Variants in KNDC1 observed in about 807,000 individuals in gnomAD.
KNDC1 encodes kinase non-catalytic C-lobe domain containing 1.
In KNDC1, 106 loss-of-function variants were observed where a neutral mutation model predicts 172.8. The ratio of observed to expected loss-of-function variants is 0.61; its 90% CI spans 0.52 to 0.72. KNDC1 has a LOEUF of 0.72. Ranked by LOEUF, KNDC1 falls within the 30% of genes least tolerant of loss-of-function variation. The probability of loss-of-function intolerance (pLI) is 0.00; values close to 1 mark genes in which losing one functional copy is unlikely to be tolerated. For synonymous variants in KNDC1, 1,083 were observed against 1,062.2 expected (o/e 1.02, Z -0.38); for missense variants, 2,325 against 2,394.5 (o/e 0.97, Z 0.61).
chr10:133,208,816 C>T (rs1440103386), intron 20 of KNDC1, among the ~76,000 whole-genome samples: 2 of 151,320 alleles, frequency 1.3e-5, no homozygotes, highest in African/African-American at 2.4e-5. Context: ...GTGGTGTGTC[C>T]GGGTAATGTG....
rs188201013 is a variant in KNDC1 at position 133,165,648 on chromosome 10, C to T, written c.103-1733C>T. Among the ~76,000 whole-genome samples, 21 of 152,304 alleles carry T rather than the reference C, an allele frequency of 1.4e-4. No homozygotes were observed. The East Asian group carries it at 4.1e-3, about 29-fold the overall frequency. On this transcript the variant is annotated intron_variant, in intron 1 of 29. Transcript: ENST00000304613. ...CTGTGTGCATGTGTGTGCCAGTGCA[C>T]GGGAGTGTGTACATATGTGTGCGCC...
At chr10:133,204,005 G>A (rs1206778986) in intron 17 of KNDC1, among the ~76,000 whole-genome samples, 1 of 152,230 alleles carries the variant, frequency 6.6e-6, no homozygotes, top group African/African-American at 2.4e-5. Flanking sequence ...AGGGTACACA[G>A]ACCTTTCCCA....
Position 133,209,249 on chromosome 10 carries a change from G to A in KNDC1, c.3795-1362G>A, listed in dbSNP as rs1845297494. On this transcript the variant is annotated intron_variant, in intron 20 of 29. Coordinates refer to ENST00000304613, the MANE Select transcript of KNDC1 (RefSeq NM_152643.8). The surrounding 1 kb of genome is among the most constrained non-coding windows in gnomAD (Gnocchi z 4.9). Reference sequence around the variant, plus strand: ...TGTGTGGTGCGTATGCACATGTGTGGTGTGTGGTATGCGGTAGTGTGTGTG... The same window carrying A: ...TGTGTGGTGCGTATGCACATGTGTGATGTGTGGTATGCGGTAGTGTGTGTG... 6.7e-6 allele frequency among the ~76,000 whole-genome samples: 1 copy of A among 149,282 alleles called. No individual in the cohort carries two copies.
chr10:133,167,430 G>T lies in KNDC1; in HGVS notation c.152G>T (p.Ser51Ile). The change falls in exon 2 of 30, where the codon AGC becomes ATC. Residue 51 changes from serine to isoleucine, a missense_variant. Coordinates refer to ENST00000304613, the MANE Select transcript of KNDC1 (RefSeq NM_152643.8). ...CTCTCCCTGCGGGACCGCGGCCTCA[G>T]CGAGCAGGAAGCCTGGGCCGTGTGC... ...DILSLRDRGL[S>I]EQEAWAVCLE... 1 of 1,605,368 alleles carries T rather than the reference G, an allele frequency of 6.2e-7. No homozygotes were observed. Among genetic ancestry groups the T allele is most frequent in the South Asian group, 1.1e-5 (1 of 89,092 alleles).
chr10:133,197,652 C>T lies in KNDC1; in HGVS notation c.1813-23C>T, dbSNP rs760066248. On this transcript the variant is annotated intron_variant, in intron 11 of 29. Coordinates refer to ENST00000304613, the MANE Select transcript of KNDC1 (RefSeq NM_152643.8). ...GGCGGAGCTCCGTGGTCACCTGGCC[C>T]AGGGCTGTCACCTCCTCCCCAGGTG... 4 of 1,588,818 alleles carry T rather than the reference C, an allele frequency of 2.5e-6. No individual in the cohort carries two copies. The Admixed American group carries it at 6.7e-5, about 26-fold the overall frequency.
chr10:133,186,542 T>A lies in KNDC1; in HGVS notation c.1194T>A (p.Thr398=). Reference sequence around the variant, plus strand: ...CCGGCAGTCCAGGACAGCCCGAGACTTCACACCCCAGCCAGGGGCCAGCAG... The same window carrying A: ...CCGGCAGTCCAGGACAGCCCGAGACATCACACCCCAGCCAGGGGCCAGCAG... The part of the protein sequence containing the change: ...GVPGSPGQPE[T]SHPSQGPAEA... Residue 398 remains threonine, a synonymous_variant, in exon 6 of 30, where the codon ACT becomes ACA. Transcript: ENST00000304613. 1 of 1,611,566 alleles carries A rather than the reference T, an allele frequency of 6.2e-7. No homozygotes were observed. Among genetic ancestry groups the A allele is most frequent in the Non-Finnish European group, 8.5e-7 (1 of 1,179,848 alleles).
chr10:133,184,146 C>T (rs1323948239), intron 5 of KNDC1, among the ~76,000 whole-genome samples, 157 bp downstream of exon 5: 1 of 150,030 alleles, frequency 6.7e-6, no homozygotes, highest in Non-Finnish European at 1.5e-5. Flanking sequence ...GCCACACACA[C>T]CCATGCACAC....
In KNDC1 at chr10:133,221,094, G is replaced by GA. The variant is rs567540617; in HGVS notation, c.5018+983dup. On this transcript the variant is annotated intron_variant, in intron 29 of 29. Coordinates refer to ENST00000304613, the MANE Select transcript of KNDC1 (RefSeq NM_152643.8). ...TGGTCTCTAGGGACCCCTGTGTTGG[G>GA]ACCCAGGCACACTTTCCACCCCACC... Among the ~76,000 whole-genome samples the GA allele has an allele frequency of 3.5e-4, 54 of 152,176 alleles. No homozygotes were observed. The East Asian group carries it at 0.01, about 28-fold the overall frequency.
chr10:133,222,723 GCA>G (rs1452900604), intron 29 of KNDC1, among the ~76,000 whole-genome samples: 1 of 21,340 alleles, frequency 4.7e-5, no homozygotes, highest in African/African-American at 1.2e-4. Context: ...GCGTGTGTGT[GCA>G]TGAGAGCCCA....
chr10:133,192,295 C>CA (rs1442596620), intron 9 of KNDC1, among the ~76,000 whole-genome samples: 1 of 152,126 alleles, frequency 6.6e-6, no homozygotes, highest in Non-Finnish European at 1.5e-5. Context: ...GGCACTGGTA[C>CA]AAAAACACAT....
chr10:133,180,018 G>A (rs995534627), intron 3 of KNDC1, among the ~76,000 whole-genome samples: 3 of 152,172 alleles, frequency 2.0e-5, no homozygotes, highest in Non-Finnish European at 1.5e-5. Flanking sequence ...GTCCAGCCTC[G>A]TCCTGCTGCC....
intron 6 of KNDC1, among the ~76,000 whole-genome samples, chr10:133,187,505 C>T (rs1009980760): frequency 2.0e-5 from 3 of 152,378 alleles, no homozygotes; most frequent in East Asian, 1.9e-4. Context: ...GGCCCGGGGA[C>T]GGGGGTGCCC....
At position 133,186,031 on chromosome 10, in the gene KNDC1, G is replaced by A; in HGVS notation, c.683G>A (p.Arg228Lys). Residue 228 changes from arginine to lysine, a missense_variant, in exon 6 of 30, where the codon AGG (arginine) becomes AAG (lysine). Transcript: ENST00000304613. ...GCCCCAGGAAACGCTGGGCCCAGGA[G>A]GCCGCCCGGGGACCCCAGCACTGAC... is the stretch of plus-strand genomic sequence containing the variant. ...RPAPGNAGPR[R>K]PPGDPSTDPE... 6.3e-7 allele frequency: 1 copy of A among 1,592,578 alleles called. No homozygotes were observed. Among genetic ancestry groups the A allele is most frequent in the South Asian group, 1.1e-5 (1 of 87,936 alleles).
chr10:133,173,394 A>C (rs1023137862), intron 3 of KNDC1, among the ~76,000 whole-genome samples: 1 of 152,146 alleles, frequency 6.6e-6, no homozygotes, highest in Admixed American at 6.5e-5. Flanking sequence ...TTCCAATATC[A>C]GTAAGAGTAC....
At chr10:133,203,678 G>A (rs530356244) in intron 17 of KNDC1, among the ~76,000 whole-genome samples, 1 of 152,324 alleles carries the variant, frequency 6.6e-6, no homozygotes, top group South Asian at 2.1e-4. Context: ...GGCTCCCAGA[G>A]TCAGCGTGGA....
intron 7 of KNDC1, 35 bp from the exon 8 acceptor site, chr10:133,189,563 C>T (rs1450507335): frequency 6.3e-7 from 1 of 1,598,386 alleles, no homozygotes; most frequent in Non-Finnish European, 8.6e-7. Flanking sequence ...TGCGGGGCAG[C>T]ATGCATACCC....
intron 26 of KNDC1, among the ~76,000 whole-genome samples, chr10:133,217,269 C>A (rs992081396): frequency 1.3e-5 from 2 of 152,244 alleles, no homozygotes; most frequent in African/African-American, 4.8e-5. Context: ...CTACTTAAAC[C>A]GATGAAGAAA....
Position 133,197,754 on chromosome 10 carries a change from C to T in KNDC1, c.1892C>T (p.Pro631Leu). ...VELKPSVAPA[P>L]EPSPGFLPVN... The stretch of plus-strand genomic sequence containing the variant: ...CTGAAGCCCAGTGTGGCACCAGCCC[C>T]AGAGCCCAGCCCAGGTGGGGACCTG... The change falls in exon 12 of 30, where the codon CCA becomes CTA. Residue 631 changes from proline (P) to leucine (L), a missense_variant. Coordinates refer to ENST00000304613, the MANE Select transcript of KNDC1 (RefSeq NM_152643.8). 1.9e-6 allele frequency: 3 copies of T among 1,612,218 alleles called. No homozygotes were observed. The highest frequency in any genetic ancestry group is 2.5e-6 in the Non-Finnish European group (3 of 1,179,782).
Position 133,199,184 on chromosome 10 carries a change from G to A in KNDC1, c.2676G>A (p.Ser892=), listed in dbSNP as rs540457068. The A allele has an allele frequency of 1.4e-5, 23 of 1,592,836 alleles. No individual in the cohort carries two copies. The highest frequency in any genetic ancestry group is 6.7e-5 in the African/African-American group (5 of 74,696). Residue 892 remains serine (S), a synonymous_variant, in exon 14 of 30, where the codon TCG becomes TCA. Coordinates refer to ENST00000304613, the MANE Select transcript of KNDC1 (RefSeq NM_152643.8). ...SPLPGRTACP[S]LQEATRLIQE... is the part of the protein sequence containing the mutation. ...TCCCAGGGAGGACGGCCTGCCCGTC[G>A]CTGCAGGAGGCCACGCGCCTCATCC...
Sources: allele counts gnomAD v4.1 joint callset (sites outside exome capture counted in the v4.1 genomes callset), GRCh38; gene constraint gnomAD v4.1.1; non-coding constraint Gnocchi (gnomAD v3.1); transcripts MANE v1.5; gene names NCBI Gene and HGNC (gene_info 2026-07-23, HGNC 2026-07-21).